GK5: variants seen among roughly 807,000 people sequenced by gnomAD.
GK5 encodes ATP:glycerol 3-phosphotransferase 5.
GK5 carries 39 observed loss-of-function variants against 77.3 expected under a neutral mutation model. The observed-to-expected ratio is 0.50, with a 90% CI of 0.39 to 0.66. The LOEUF is 0.66. GK5 is among the 30% of genes least tolerant of loss of function. The pLI, the probability that GK5 is intolerant of heterozygous loss-of-function variation, is 0.00. For missense variants in GK5, 487 were observed against 633.8 expected (o/e 0.77, Z 2.49); for synonymous variants, 211 against 208.0 (o/e 1.01, Z -0.13).
chr3:142,184,213 A>G (rs1486262184), intron 9 of GK5, among the ~76,000 whole-genome samples: 2 of 136,942 alleles, frequency 1.5e-5, no homozygotes, highest in Non-Finnish European at 3.1e-5. Flanking sequence ...GTGAGCCGAG[A>G]TCGCACCACT....
intron 12 of GK5, among the ~76,000 whole-genome samples, chr3:142,176,412 T>C (rs1274322480): frequency 6.6e-6 from 1 of 151,878 alleles, no homozygotes; most frequent in Non-Finnish European, 1.5e-5. Context: ...GTATGAGCTT[T>C]CCCAAAAAAA....
At chr3:142,219,784 T>C (rs7610565) in intron 1 of GK5, among the ~76,000 whole-genome samples, 3,475 of 152,304 alleles carry the variant, frequency 0.023, 52 homozygotes, top group Middle Eastern at 0.048. Context: ...AAGATCAGCC[T>C]GAGCAACATG....
intron 6 of GK5, among the ~76,000 whole-genome samples, chr3:142,186,744 C>T (rs978143592): frequency 1.3e-5 from 2 of 151,470 alleles, no homozygotes; most frequent in African/African-American, 4.9e-5. Flanking sequence ...GATTCTCCTG[C>T]CTCAGCCTCC....
chr3:142,215,540 G>GA, intron 2 of GK5, 59 bp downstream of exon 2: 1 of 865,360 alleles, frequency 1.2e-6, no homozygotes, highest in Admixed American at 2.6e-5. Flanking sequence ...GAAGCCTGAG[G>GA]AAAACTATTA....
Position 142,164,094 on chromosome 3 carries a change from CA to C in GK5, c.*1527del, listed in dbSNP as rs1464696294. The C allele has an allele frequency of 6.6e-6, 1 of 152,048 alleles. No individual in the cohort carries two copies. Among genetic ancestry groups the C allele is most frequent in the Non-Finnish European group, 1.5e-5 (1 of 68,006 alleles). 9.4% of individuals were successfully genotyped at this position (152,048 alleles called of 1,614,324 possible). A position where few individuals can be genotyped will look rare whatever the true frequency, so the allele number is the denominator to read the frequency against. On this transcript the variant is annotated 3_prime_UTR_variant, in exon 16 of 16. Transcript: ENST00000392993. ...ATTTAATAATACTATATATTTGTTACAATGCCTTCATCAGAAAATTTAATAA... is the reference window on the plus strand; with the variant it reads ...ATTTAATAATACTATATATTTGTTACATGCCTTCATCAGAAAATTTAATAA...
intron 3 of GK5, among the ~76,000 whole-genome samples, chr3:142,212,426 C>T (rs1206447588): frequency 1.3e-5 from 2 of 152,058 alleles, no homozygotes; most frequent in Non-Finnish European, 1.5e-5. Flanking sequence ...GTCCCAGCTA[C>T]TCAGGAGGCT....
intron 9 of GK5, chr3:142,184,863 C>A (rs945305822): frequency 4.1e-6 from 4 of 985,638 alleles, no homozygotes; most frequent in Middle Eastern, 5.1e-4. Flanking sequence ...ACAACAACAA[C>A]AACTCATTTA....
rs2063437965 is a variant in GK5 at position 142,163,107 on chromosome 3, A to G, written c.*2515T>C. 6.6e-6 allele frequency: 1 copy of G among 152,132 alleles called. No homozygotes were observed. Among genetic ancestry groups the G allele is most frequent in the Non-Finnish European group, 1.5e-5 (1 of 68,028 alleles). The allele number at this position is 152,132 out of a possible 1,614,324, so 9.4% of individuals were successfully genotyped here. A position where few individuals can be genotyped will look rare whatever the true frequency, so the allele number is the denominator to read the frequency against. On this transcript the variant is annotated 3_prime_UTR_variant, in exon 16 of 16. Coordinates refer to ENST00000392993, the MANE Select transcript of GK5 (RefSeq NM_001039547.3). ...ATGTTTCTGATTTTAGTTAAGTCCA[A>G]AAATATTTATTAAAGTCTTATCACT...
At chr3:142,184,259 T>TAAAA in intron 9 of GK5, among the ~76,000 whole-genome samples, 1 of 8,616 alleles carries the variant, frequency 1.2e-4, no homozygotes, top group Non-Finnish European at 1.6e-4. Flanking sequence ...AGACTCTGTC[T>TAAAA]CAAAAAAAAA....
Position 142,171,322 on chromosome 3 carries a change from T to G in GK5, c.1307+97A>C, listed in dbSNP as rs1033773458. ...AATCCTCAATAATCATAAAGATGAA[T>G]TATTCAGGATCTAAAAAAGAAATGA... On this transcript the variant is annotated intron_variant, in intron 14 of 15. Transcript: ENST00000392993. 3.2e-5 allele frequency: 35 copies of G among 1,098,742 alleles called. No homozygotes were observed. The African/African-American group carries it at 5.7e-4, about 18-fold the overall frequency. The allele number at this position is 1,098,742 out of a possible 1,614,324, so 68.1% of individuals were successfully genotyped here.
chr3:142,184,505 T>C (rs1398775472), intron 9 of GK5, among the ~76,000 whole-genome samples: 1 of 152,098 alleles, frequency 6.6e-6, no homozygotes, highest in East Asian at 1.9e-4. Context: ...AATTGTAACA[T>C]TTTGTTAATA....
intron 1 of GK5, among the ~76,000 whole-genome samples, chr3:142,221,337 C>T (rs992212352): frequency 2.0e-5 from 3 of 152,102 alleles, no homozygotes; most frequent in African/African-American, 7.2e-5. Context: ...ACTTTCTTAC[C>T]CCAGAAAACT....
At position 142,213,056 on chromosome 3, in the gene GK5, G is replaced by C. The variant is rs185239384; in HGVS notation, c.317+470C>G. On this transcript the variant is annotated intron_variant, in intron 3 of 15. Coordinates refer to ENST00000392993, the MANE Select transcript of GK5 (RefSeq NM_001039547.3). ...TCACCGTGTTAGCCAGGATGGTCTC[G>C]ATCTCCTGACCTCGTGATCCGCCCA... Among the ~76,000 whole-genome samples, 706 of 151,788 alleles carry C rather than the reference G, an allele frequency of 4.7e-3. 16 individuals carry two copies. In the East Asian group the frequency reaches 0.077, roughly 16 times the overall value.
At chr3:142,169,694 C>G (rs942780885) in intron 15 of GK5, among the ~76,000 whole-genome samples, 3 of 118,964 alleles carry the variant, frequency 2.5e-5, no homozygotes, top group African/African-American at 1.0e-4. Context: ...TTTTTTGAGA[C>G]AGAGTCTTGC....
intron 1 of GK5, among the ~76,000 whole-genome samples, chr3:142,218,377 C>CAAA (rs35885439): frequency 3.6e-4 from 45 of 126,052 alleles, no homozygotes; most frequent in African/African-American, 1.0e-3. Flanking sequence ...TACTAAAATA[C>CAAA]AAAAAAAAAA....
intron 15 of GK5, among the ~76,000 whole-genome samples, chr3:142,165,992 C>G (rs1201449498): frequency 6.6e-6 from 1 of 152,252 alleles, no homozygotes; most frequent in East Asian, 1.9e-4. Flanking sequence ...AGCTCAGTTT[C>G]TGTGTGGTGG....
At chr3:142,170,545 T>C in intron 14 of GK5, 87 bp from the exon 15 acceptor site, 1 of 1,105,230 alleles carries the variant, frequency 9.0e-7, no homozygotes, top group Non-Finnish European at 1.3e-6. Context: ...CTGAAATCCT[T>C]GATTTTATTT....
intron 11 of GK5, among the ~76,000 whole-genome samples, chr3:142,179,816 T>C (rs6763930): frequency 0.5 from 75,507 of 152,020 alleles, 21,459 homozygotes; most frequent in African/African-American, 0.79. Flanking sequence ...CCACTGAATG[T>C]AACTAAGAAT....
At chr3:142,173,597 T>C (rs912475496) in intron 12 of GK5, among the ~76,000 whole-genome samples, 1 of 152,082 alleles carries the variant, frequency 6.6e-6, no homozygotes, top group Non-Finnish European at 1.5e-5. Context: ...GGCAGGAGAA[T>C]GGCGTGAACC....
Sources: allele counts gnomAD v4.1 joint callset (sites outside exome capture counted in the v4.1 genomes callset), GRCh38; gene constraint gnomAD v4.1.1; transcripts MANE v1.5; gene names NCBI Gene and HGNC (gene_info 2026-07-23, HGNC 2026-07-21).